SNW1: variants seen among roughly 807,000 people sequenced by gnomAD.
SNW1 encodes the protein SNW domain-containing protein 1.
SNW1 carries 9 observed loss-of-function variants against 75.6 expected under a neutral mutation model. The observed-to-expected ratio is 0.12, with a 90% CI of 0.07 to 0.21. The LOEUF (loss-of-function observed/expected upper bound fraction) is 0.21. SNW1 is among the 10% of genes least tolerant of loss of function. The pLI, the probability that SNW1 is intolerant of heterozygous loss-of-function variation, is 1.00. For synonymous variants in SNW1, 200 were observed against 219.1 expected (o/e 0.91, Z 0.77); for missense variants, 409 against 670.9 (o/e 0.61, Z 4.31).
At chr14:77,753,282 T>C (rs867881836) in intron 2 of SNW1, among the ~76,000 whole-genome samples, 7 of 152,188 alleles carry the variant, frequency 4.6e-5, no homozygotes, top group African/African-American at 9.7e-5. Context: ...AATGCATGGA[T>C]GAGATTTACA....
chr14:77,733,878 T>C lies in SNW1; in HGVS notation c.774+1069A>G, dbSNP rs1012267211. 9.9e-6 allele frequency: 4 copies of C among 404,918 alleles called. No individual in the cohort carries two copies. In the Admixed American group the frequency reaches 1.2e-4, roughly 12 times the overall value. The allele number at this position is 404,918 out of a possible 1,614,324, so 25.1% of individuals were successfully genotyped here. On this transcript the variant is annotated intron_variant, in intron 8 of 13. Transcript: ENST00000261531. ...AACTGTACTTGAATGTCTATGTAAC[T>C]TTCAGGCTTAGCTTTATTTTCCAGA...
intron 6 of SNW1, among the ~76,000 whole-genome samples, chr14:77,736,286 G>T (rs187426045): frequency 7.2e-5 from 11 of 152,288 alleles, no homozygotes; most frequent in African/African-American, 2.6e-4. Context: ...AGTGGCTCAT[G>T]CCTGTAATCC....
Position 77,720,814 on chromosome 14 carries a change from C to T in SNW1, c.1145G>A (p.Arg382Lys). 1 of 1,612,682 alleles carries T rather than the reference C, an allele frequency of 6.2e-7. No homozygotes were observed. The highest frequency in any genetic ancestry group is 1.1e-5 in the South Asian group (1 of 90,946). Residue 382 changes from arginine to lysine, a missense_variant, in exon 12 of 14, where the codon AGA becomes AAA. Coordinates refer to ENST00000261531, the MANE Select transcript of SNW1 (RefSeq NM_012245.3). ...TTCACTGATATCCCGATTTTCATTT[C>T]TCTGAAGTTTCGACCTATTTTGAAA... Reference protein sequence around the residue: ...AAPDKRSKLQRNENRDISEVI... With the variant: ...AAPDKRSKLQKNENRDISEVI...
intron 10 of SNW1, among the ~76,000 whole-genome samples, chr14:77,730,176 A>C (rs2080617671): frequency 6.6e-6 from 1 of 152,192 alleles, no homozygotes; most frequent in African/African-American, 2.4e-5. Context: ...CCATCTCAGA[A>C]GTGAGGGCTA....
chr14:77,726,189 A>ATAGGGATTGCATTGTGTCTAGAGC (rs2080583470), intron 10 of SNW1, among the ~76,000 whole-genome samples: 1 of 152,056 alleles, frequency 6.6e-6, no homozygotes, highest in African/African-American at 2.4e-5. Flanking sequence ...TGGTATTTTG[A>ATAGGGATTGCATTGTGTCTAGAGC]TAGGGATTGC....
intron 11 of SNW1, chr14:77,722,810 A>G (rs1023090955): frequency 2.4e-6 from 1 of 416,302 alleles, no homozygotes; most frequent in Non-Finnish European, 4.7e-6. Flanking sequence ...AAGGTACAAA[A>G]AGGCCACTCT....
At chr14:77,756,256 G>A (rs1463152475) in intron 1 of SNW1, among the ~76,000 whole-genome samples, 1 of 151,920 alleles carries the variant, frequency 6.6e-6, no homozygotes, top group South Asian at 2.1e-4. Flanking sequence ...GAGTAGCTGG[G>A]ATTACAGGTG....
At chr14:77,720,977 A>AGCTTG (rs2080535658) in intron 11 of SNW1, 149 bp from the exon 12 acceptor site, 1 of 630,644 alleles carries the variant, frequency 1.6e-6, no homozygotes, top group East Asian at 2.6e-5. Context: ...ATACATAATC[A>AGCTTG]AGCTGGCAGC....
chr14:77,756,696 C>A lies in SNW1; in HGVS notation c.15-1576G>T, dbSNP rs546555600. Among the ~76,000 whole-genome samples the A allele has an allele frequency of 2.0e-5, 3 of 152,242 alleles. No individual in the cohort carries two copies. In the South Asian group the frequency reaches 6.2e-4, roughly 32 times the overall value. ...GTCAGGAGATCAAGACCGGCCTGAT[C>A]AACATGGTGAAACCCTGTCTCTACT... On this transcript the variant is annotated intron_variant, in intron 1 of 13. Transcript: ENST00000261531.
intron 1 of SNW1, among the ~76,000 whole-genome samples, chr14:77,760,078 A>G (rs2080875022): frequency 6.6e-6 from 1 of 152,130 alleles, no homozygotes. Context: ...ACAAATGCAC[A>G]TTTTGTGTTC....
chr14:77,740,529 C>T (rs1053888245), intron 3 of SNW1, among the ~76,000 whole-genome samples: 1 of 152,214 alleles, frequency 6.6e-6, no homozygotes, highest in African/African-American at 2.4e-5. Context: ...CATTATGCTT[C>T]AGTCACACTA....
intron 3 of SNW1, among the ~76,000 whole-genome samples, chr14:77,741,189 A>T (rs1365249044): frequency 6.6e-6 from 1 of 151,938 alleles, no homozygotes; most frequent in African/African-American, 2.4e-5. Context: ...GAATAAATAA[A>T]TGAATTTTAG....
At chr14:77,740,558 GAACAT>G (rs2080710356) in intron 3 of SNW1, among the ~76,000 whole-genome samples, 1 of 152,144 alleles carries the variant, frequency 6.6e-6, no homozygotes, top group African/African-American at 2.4e-5. Flanking sequence ...TCTGTTTCTT[GAACAT>G]AACATACTTT....
At chr14:77,736,550 AAAAACAAAAAC>A (rs1391317005) in intron 6 of SNW1, among the ~76,000 whole-genome samples, 15 of 95,040 alleles carry the variant, frequency 1.6e-4, no homozygotes, top group South Asian at 5.5e-4. Flanking sequence ...CTGTCTCTCA[AAAAACAAAAAC>A]AAAAACAAAA....
chr14:77,738,802 T>C lies in SNW1; in HGVS notation c.509A>G (p.Lys170Arg), dbSNP rs2080694185. 1.9e-6 allele frequency: 3 copies of C among 1,613,988 alleles called. No individual in the cohort carries two copies. The highest frequency in any genetic ancestry group is 2.7e-5 in the African/African-American group (2 of 74,920). The change falls in exon 5 of 14, where the codon AAA becomes AGA. Residue 170 changes from lysine to arginine, a missense_variant. Lys to Arg is a conservative substitution (Grantham distance 26). Coordinates refer to ENST00000261531, the MANE Select transcript of SNW1 (RefSeq NM_012245.3). ...AAAMPVRAAD[K>R]LAPAQYIRYT... ...CCGGATATACTGAGCAGGAGCCAAT[T>C]TGTCAGCTGCTCGAACTGGCATGGC...
chr14:77,730,862 T>C, intron 10 of SNW1, 126 bp downstream of exon 10: 1 of 942,694 alleles, frequency 1.1e-6, no homozygotes, highest in South Asian at 1.7e-5. Context: ...ATTTCTACAC[T>C]ATATCTGATG....
intron 8 of SNW1, among the ~76,000 whole-genome samples, chr14:77,733,507 G>GGC (rs1259752891): frequency 1.3e-5 from 2 of 151,998 alleles, no homozygotes; most frequent in Non-Finnish European, 2.9e-5. Context: ...CACTTTGGGA[G>GGC]GCCAAGGCAG....
chr14:77,751,539 T>G, intron 2 of SNW1, 59 bp from the exon 3 acceptor site: 2 of 1,340,030 alleles, frequency 1.5e-6, no homozygotes, highest in Non-Finnish European at 2.0e-6. Flanking sequence ...TCAAGATATA[T>G]TCATTCATTC....
At chr14:77,720,088 T>C (rs1400929851) in intron 12 of SNW1, among the ~76,000 whole-genome samples, 1 of 152,240 alleles carries the variant, frequency 6.6e-6, no homozygotes, top group Non-Finnish European at 1.5e-5. Context: ...CAAATTGATA[T>C]ATTTCTATAG....
Sources: allele counts gnomAD v4.1 joint callset (sites outside exome capture counted in the v4.1 genomes callset), GRCh38; gene constraint gnomAD v4.1.1; transcripts MANE v1.5; gene names NCBI Gene and HGNC (gene_info 2026-07-23, HGNC 2026-07-21).